VSTM4: variants seen among roughly 807,000 people sequenced by gnomAD.
VSTM4 encodes V-set and transmembrane domain containing 4.
In VSTM4, 20 loss-of-function variants were observed where a neutral mutation model predicts 36.4. The ratio of observed to expected loss-of-function variants is 0.55; its 90% confidence interval spans 0.39 to 0.80. The LOEUF (loss-of-function observed/expected upper bound fraction) is 0.80. Ranked by LOEUF, VSTM4 falls within the 30% of genes least tolerant of loss-of-function variation. The probability of loss-of-function intolerance (pLI) is 0.00; values close to 1 mark genes in which losing one functional copy is unlikely to be tolerated. For missense variants in VSTM4, 392 were observed against 404.5 expected, an observed-to-expected ratio of 0.97 and a Z score of 0.26; for synonymous variants, 182 against 173.9, an observed-to-expected ratio of 1.05 and a Z score of -0.37.
chr10:49,040,901 G>T (rs754965074), intron 7 of VSTM4, among the ~76,000 whole-genome samples: 1 of 152,178 alleles, frequency 6.6e-6, no homozygotes, highest in African/African-American at 2.4e-5. Flanking sequence ...GGGGAGCTCT[G>T]TGGCCTAGGA....
At chr10:49,078,356 C>A (rs1166349704) in intron 3 of VSTM4, among the ~76,000 whole-genome samples, 1 of 152,164 alleles carries the variant, frequency 6.6e-6, no homozygotes, top group Non-Finnish European at 1.5e-5. Flanking sequence ...GAAAACTGTA[C>A]ATGTATGTTG....
At chr10:49,105,970 T>A (rs1175457000) in intron 2 of VSTM4, among the ~76,000 whole-genome samples, 1 of 152,204 alleles carries the variant, frequency 6.6e-6, no homozygotes, top group East Asian at 1.9e-4. Context: ...GATGATCTGA[T>A]GTCTTGTTTT....
intron 2 of VSTM4, among the ~76,000 whole-genome samples, chr10:49,091,527 G>A (rs949549962): frequency 2.6e-5 from 4 of 152,172 alleles, no homozygotes; most frequent in African/African-American, 9.7e-5. Context: ...GGACCTGGGG[G>A]GAAACCATCA....
intron 7 of VSTM4, among the ~76,000 whole-genome samples, chr10:49,021,915 C>T (rs746209329): frequency 2.6e-5 from 4 of 152,028 alleles, no homozygotes; most frequent in South Asian, 4.2e-4. Context: ...TGCATGTATG[C>T]GTGTATGTAA....
intron 2 of VSTM4, among the ~76,000 whole-genome samples, chr10:49,096,283 CA>C (rs1216941881): frequency 6.6e-6 from 1 of 152,214 alleles, no homozygotes; most frequent in African/African-American, 2.4e-5. Context: ...GTTAAACAGT[CA>C]GATGAGAAAC....
At chr10:49,073,203 C>T (rs539286488) in intron 4 of VSTM4, among the ~76,000 whole-genome samples, 1 of 152,304 alleles carries the variant, frequency 6.6e-6, no homozygotes, top group East Asian at 1.9e-4. Flanking sequence ...ATCTACCTGC[C>T]AATCTGCTTC....
At chr10:49,091,633 A>G (rs574589716) in intron 2 of VSTM4, among the ~76,000 whole-genome samples, 1 of 152,274 alleles carries the variant, frequency 6.6e-6, no homozygotes, top group South Asian at 2.1e-4. Flanking sequence ...AGGTGAGTTC[A>G]CACCAAGACC....
intron 2 of VSTM4, among the ~76,000 whole-genome samples, chr10:49,104,241 G>A (rs893947676): frequency 6.6e-6 from 1 of 152,218 alleles, no homozygotes; most frequent in Non-Finnish European, 1.5e-5. Context: ...AAAGGCTGCA[G>A]TGAGCCAAGA....
intron 7 of VSTM4, among the ~76,000 whole-genome samples, chr10:49,046,758 C>T (rs1040919322): frequency 6.6e-6 from 1 of 152,182 alleles, no homozygotes; most frequent in Non-Finnish European, 1.5e-5. Context: ...TGAAACAGAG[C>T]ATCTATAATA....
rs550748834 is a variant in VSTM4, at chr10:49,016,398, T to A, written c.*3252A>T. On this transcript the variant is annotated 3_prime_UTR_variant, in exon 8 of 8. Coordinates refer to ENST00000332853, the MANE Select transcript of VSTM4 (RefSeq NM_001031746.5). ...CAGGAGATGTGGCAACAGATAGATATGTGCCATTCCAGCTTCACTGCCCAA... is the reference window on the plus strand; with the variant it reads ...CAGGAGATGTGGCAACAGATAGATAAGTGCCATTCCAGCTTCACTGCCCAA... 6.6e-6 allele frequency: 1 copy of A among 152,304 alleles called. No homozygotes were observed. Among genetic ancestry groups the A allele is most frequent in the East Asian group, 1.9e-4 (1 of 5,174 alleles). The allele number at this position is 152,304 out of a possible 1,614,324, so 9.4% of individuals were successfully genotyped here.
chr10:49,056,187 C>T (rs918813438), intron 5 of VSTM4, among the ~76,000 whole-genome samples: 5 of 152,254 alleles, frequency 3.3e-5, no homozygotes, highest in African/African-American at 1.2e-4. Flanking sequence ...TCCTTAGAGC[C>T]ACAAGAAGCT....
intron 1 of VSTM4, among the ~76,000 whole-genome samples, chr10:49,114,434 A>T (rs4838366): frequency 0.49 from 74,083 of 151,632 alleles, 19,428 homozygotes; most frequent in African/African-American, 0.7. Flanking sequence ...GAGCCAGGCT[A>T]ACTGGGTTCA....
At chr10:49,047,717 C>T (rs1199431681) in intron 6 of VSTM4, among the ~76,000 whole-genome samples, 2 of 152,322 alleles carry the variant, frequency 1.3e-5, no homozygotes, top group East Asian at 3.9e-4. Flanking sequence ...CACCCTCCAG[C>T]CCTCTTTCCA....
intron 2 of VSTM4, among the ~76,000 whole-genome samples, chr10:49,107,341 G>A (rs2132026517): frequency 6.6e-6 from 1 of 152,362 alleles, no homozygotes; most frequent in East Asian, 1.9e-4. Context: ...CCAGAGATTG[G>A]GCTGGGCCAT....
chr10:49,081,338 A>G (rs1844274423), intron 3 of VSTM4, among the ~76,000 whole-genome samples: 1 of 152,232 alleles, frequency 6.6e-6, no homozygotes, highest in East Asian at 1.9e-4. Context: ...AAGGCAGAGA[A>G]ACTTGCCTTT....
At chr10:49,114,585 G>GTGT (rs1554837420) in intron 1 of VSTM4, among the ~76,000 whole-genome samples, 4 of 142,338 alleles carry the variant, frequency 2.8e-5, no homozygotes, top group Non-Finnish European at 6.1e-5. Context: ...CCAAGTTCAT[G>GTGT]TTTTTTTTTT....
At chr10:49,096,205 C>T (rs1410050584) in intron 2 of VSTM4, among the ~76,000 whole-genome samples, 1 of 152,186 alleles carries the variant, frequency 6.6e-6, no homozygotes, top group East Asian at 1.9e-4. Context: ...TCCACTAAAA[C>T]TTGCAGTATC....
At chr10:49,075,603 G>T in intron 4 of VSTM4, among the ~76,000 whole-genome samples, 1 of 152,390 alleles carries the variant, frequency 6.6e-6, no homozygotes, top group Non-Finnish European at 1.5e-5. Flanking sequence ...AGGGAGGTGG[G>T]TATTGCAGGG....
At chr10:49,043,795 C>T (rs1284346213) in intron 7 of VSTM4, among the ~76,000 whole-genome samples, 2 of 152,072 alleles carry the variant, frequency 1.3e-5, no homozygotes, top group Non-Finnish European at 2.9e-5. Flanking sequence ...GAAATACAGG[C>T]AAAAAAGAAA....
Sources: allele counts gnomAD v4.1 joint callset (sites outside exome capture counted in the v4.1 genomes callset), GRCh38; gene constraint gnomAD v4.1.1; transcripts MANE v1.5; gene names NCBI Gene and HGNC (gene_info 2026-07-23, HGNC 2026-07-21).